Variants in APOB observed in about 807,000 individuals in gnomAD.
APOB encodes the protein apolipoprotein B-100.
In APOB, 153 loss-of-function variants were observed where a neutral mutation model predicts 314.1. That is an observed-to-expected ratio of 0.49 (90% CI 0.43 to 0.56). The LOEUF (loss-of-function observed/expected upper bound fraction) is 0.56, where lower values mean the gene tolerates loss of function less well. Among genes scored for constraint, APOB ranks in the 20% least tolerant of loss-of-function variants. APOB has a pLI of 0.00. For synonymous variants in APOB, 2,087 were observed against 2,036.4 expected, an observed-to-expected ratio of 1.02 and a Z score of -0.67; for missense variants, 5,430 against 5,350.7, an observed-to-expected ratio of 1.01 and a Z score of -0.46.
In APOB at chr2:21,008,405, C is replaced by T. The variant is rs771976472; in HGVS notation, c.8463G>A (p.Pro2821=). 22 of 1,613,844 alleles carry T rather than the reference C, an allele frequency of 1.4e-5. No individual in the cohort carries two copies. The highest frequency in any genetic ancestry group is 2.2e-5 in the East Asian group (1 of 44,886). Residue 2821 remains proline (P), a synonymous_variant, in exon 26 of 29, where the codon CCG becomes CCA. Coordinates refer to ENST00000233242, the MANE Select transcript of APOB (RefSeq NM_000384.3). ...ACTTCACTGACTCCTTCAGAGCCAG[C>T]GGATTAATCTTAGGGTTTGAGAGTT... ...NAQLSNPKIN[P]LALKESVKFS...
intron 8 of APOB, among the ~76,000 whole-genome samples, chr2:21,033,882 C>T (rs1663939926): frequency 6.6e-6 from 1 of 152,166 alleles, no homozygotes; most frequent in Non-Finnish European, 1.5e-5. Flanking sequence ...AGATGAGCAA[C>T]TTAGGTTTCC....
Position 21,001,822 on chromosome 2 carries a change from A to C in APOB, c.13600T>G (p.Tyr4534Asp), listed in dbSNP as rs1350773223. ...AGCTTTTTCAGTAACTCCGTGATGTATATCAGAAATGTGTGGTAGTTTTGA... is the reference window on the plus strand; with the variant it reads ...AGCTTTTTCAGTAACTCCGTGATGTCTATCAGAAATGTGTGGTAGTTTTGA... ...SIQNYHTFLI[Y>D]ITELLKKLQS... The change falls in exon 29 of 29, where the codon TAC becomes GAC. Residue 4534 changes from tyrosine (Y) to aspartate (D), a missense_variant. Transcript: ENST00000233242. 2 of 1,614,086 alleles carry C rather than the reference A, an allele frequency of 1.2e-6. No individual in the cohort carries two copies. The highest frequency in any genetic ancestry group is 1.7e-6 in the Non-Finnish European group (2 of 1,179,960).
Position 21,010,531 on chromosome 2 carries a change from C to A in APOB, c.6337G>T (p.Ala2113Ser). The A allele has an allele frequency of 6.2e-7, 1 of 1,610,062 alleles. No homozygotes were observed. Among genetic ancestry groups the A allele is most frequent in the East Asian group, 2.2e-5 (1 of 44,788 alleles). ...TGCTGTGGGAGTTTTCCCAGGGCTG[C>A]TCTGTATTTTCTTACAAATTGATCA... is the stretch of plus-strand genomic sequence containing the variant. ...NIDQFVRKYRAALGKLPQQAN... is the reference protein window; with the variant it reads ...NIDQFVRKYRSALGKLPQQAN... The change falls in exon 26 of 29, where the codon GCA becomes TCA. Residue 2113 changes from alanine (A) to serine (S), a missense_variant. Physicochemically the swap from Ala to Ser is moderately conservative, Grantham distance 99. Coordinates refer to ENST00000233242, the MANE Select transcript of APOB (RefSeq NM_000384.3).
rs759934326 is a variant in APOB, at chr2:21,006,235, C to T, written c.10633G>A (p.Glu3545Lys). ...TSKIDDIWNL[E>K]VKENFAGEAT... is the part of the protein sequence containing the mutation. ...TCTCCAGCAAAATTTTCTTTTACTT[C>T]AAGGTTCCAGATATCATCAATTTTG... is the stretch of plus-strand genomic sequence containing the variant. Residue 3545 changes from glutamate to lysine, a missense_variant, in exon 26 of 29, where the codon GAA becomes AAA. Physicochemically the swap from Glu to Lys is moderately conservative, Grantham distance 56. This residue lies in a region of APOB where 3,281 missense variants were observed against 3,171.0 expected (regional missense o/e 1.03). Transcript: ENST00000233242. 1 of 1,614,034 alleles carries T rather than the reference C, an allele frequency of 6.2e-7. No individual in the cohort carries two copies. The highest frequency in any genetic ancestry group is 8.5e-7 in the Non-Finnish European group (1 of 1,179,962).
At position 21,033,402 on chromosome 2, in the gene APOB, T is replaced by C. The variant is rs1277517153; in HGVS notation, c.1021A>G (p.Asn341Asp). The change falls in exon 9 of 29, where the codon AAT becomes GAT. Residue 341 changes from asparagine to aspartate, a missense_variant. Physicochemically the swap from Asn to Asp is conservative, Grantham distance 23 (BLOSUM62 1). Around this residue, in one of 3 missense-constraint regions of APOB, gnomAD observed 2,085 missense variants for 2,079.7 expected, o/e 1.00. Transcript: ENST00000233242. ...ELKKLTISEQ[N>D]IQRANLFNKL... ...TTGAAGAGATTAGCTCTCTGGATAT[T>C]TTGCTCAGAGATGGTTAGTTTTTTC... 1.9e-6 allele frequency: 3 copies of C among 1,614,134 alleles called. No individual in the cohort carries two copies.
chr2:21,006,768 A>G lies in APOB; in HGVS notation c.10100T>C (p.Leu3367Pro). The G allele has an allele frequency of 1.2e-6, 2 of 1,614,142 alleles. No individual in the cohort carries two copies. The highest frequency in any genetic ancestry group is 1.7e-6 in the Non-Finnish European group (2 of 1,179,972). Reference protein sequence around the residue: ...FNQSDIVAHLLSSSSSVIDAL... With the variant: ...FNQSDIVAHLPSSSSSVIDAL... ...ATCAATGACAGATGAAGATGAAGAA[A>G]GGAGATGAGCAACAATATCTGACTG... The change falls in exon 26 of 29, where the codon CTT becomes CCT. Residue 3367 changes from leucine to proline, a missense_variant. Physicochemically the swap from Leu to Pro is moderately conservative, Grantham distance 98. Coordinates refer to ENST00000233242, the MANE Select transcript of APOB (RefSeq NM_000384.3).
intron 17 of APOB, 56 bp from the exon 18 acceptor site, chr2:21,023,098 G>T (rs1224440183): frequency 6.7e-7 from 1 of 1,500,720 alleles, no homozygotes; most frequent in Admixed American, 1.7e-5. Context: ...TCCCCTGTCA[G>T]TCAGATCAAC....
chr2:21,007,642 G>T lies in APOB; in HGVS notation c.9226C>A (p.Leu3076Met), dbSNP rs72653099. The T allele has an allele frequency of 2.2e-4, 357 of 1,614,082 alleles. No individual in the cohort carries two copies. In the African/African-American group the frequency reaches 4.5e-3, roughly 20 times the overall value. ...GKIDFLNNYA[L>M]FLSPSAQQAS... ...TGCTGGGCACTGGGACTCAGAAACA[G>T]TGCATAGTTATTCAGGAAGTCTATC... is the stretch of plus-strand genomic sequence containing the variant. Residue 3076 changes from leucine (L) to methionine (M), a missense_variant, in exon 26 of 29, where the codon CTG (leucine) becomes ATG (methionine). Physicochemically the swap from Leu to Met is conservative, Grantham distance 15. Around this residue, in one of 3 missense-constraint regions of APOB, gnomAD observed 3,281 missense variants for 3,171.0 expected, o/e 1.03. Transcript: ENST00000233242.
chr2:21,033,928 T>C (rs1360711409), intron 8 of APOB, among the ~76,000 whole-genome samples: 5 of 152,186 alleles, frequency 3.3e-5, no homozygotes, highest in Non-Finnish European at 5.9e-5. Context: ...AGAGCTAAAG[T>C]GGAATCCAGA....
In APOB at chr2:21,008,006, G is replaced by A. The variant is rs1202409850; in HGVS notation, c.8862C>T (p.Leu2954=). The change falls in exon 26 of 29, where the codon CTC becomes CTT. Residue 2954 remains leucine, a synonymous_variant. Coordinates refer to ENST00000233242, the MANE Select transcript of APOB (RefSeq NM_000384.3). ...SQISFTIEGP[L]TSFGLSNKIN... is the part of the protein sequence containing the mutation. ...TCTTATTGGACAGTCCAAAGGAAGTGAGGGGTCCTTCTATGGTGAAACTAA... is the reference window on the plus strand; with the variant it reads ...TCTTATTGGACAGTCCAAAGGAAGTAAGGGGTCCTTCTATGGTGAAACTAA... The A allele has an allele frequency of 6.2e-7, 1 of 1,614,104 alleles. No individual in the cohort carries two copies. Among genetic ancestry groups the A allele is most frequent in the Admixed American group, 1.7e-5 (1 of 60,028 alleles).
At position 21,008,811 on chromosome 2, in the gene APOB, C is replaced by A; in HGVS notation, c.8057G>T (p.Trp2686Leu). The A allele has an allele frequency of 6.2e-7, 1 of 1,614,012 alleles. No individual in the cohort carries two copies. Among genetic ancestry groups the A allele is most frequent in the South Asian group, 1.1e-5 (1 of 91,074 alleles). The change falls in exon 26 of 29, where the codon TGG (tryptophan) becomes TTG (leucine). Residue 2686 changes from tryptophan (W) to leucine (L), a missense_variant. Transcript: ENST00000233242. ...IDQMLNSELQWPVPDIYLRDL... is the reference protein window; with the variant it reads ...IDQMLNSELQLPVPDIYLRDL... The stretch of plus-strand genomic sequence containing the variant: ...CCTGAGATATATATCTGGAACGGGC[C>A]ACTGCAGCTCACTGTTCAGCATCTG...
chr2:21,018,767 C>A (rs1198211013), intron 20 of APOB, among the ~76,000 whole-genome samples: 1 of 152,154 alleles, frequency 6.6e-6, no homozygotes. Context: ...ACTGTAACTT[C>A]CATGAAGGCA....
At position 21,007,102 on chromosome 2, in the gene APOB, C is replaced by T; in HGVS notation, c.9766G>A (p.Val3256Ile). 6.2e-7 allele frequency: 1 copy of T among 1,614,036 alleles called. No individual in the cohort carries two copies. The highest frequency in any genetic ancestry group is 8.5e-7 in the Non-Finnish European group (1 of 1,179,954). Reference sequence around the variant, plus strand: ...GTGAATGGAGACACTTCAACATTGACAACTGGAACAGTGTATCCAGGAATT... The same window carrying T: ...GTGAATGGAGACACTTCAACATTGATAACTGGAACAGTGTATCCAGGAATT... Reference protein sequence around the residue: ...FQIPGYTVPVVNVEVSPFTIE... With the variant: ...FQIPGYTVPVINVEVSPFTIE... The change falls in exon 26 of 29, where the codon GTC becomes ATC. Residue 3256 changes from valine to isoleucine, a missense_variant. Coordinates refer to ENST00000233242, the MANE Select transcript of APOB (RefSeq NM_000384.3).
rs1663287239 is a variant in APOB at position 21,010,616 on chromosome 2, A to T, written c.6252T>A (p.Asn2084Lys). ...CCAGTACAACTATAATGGTTTGTCG[A>T]TTCCTCTCAAAATATTCTTGCAAGG... is the stretch of plus-strand genomic sequence containing the variant. ...FETLQEYFERNRQTIIVVLEN... is the reference protein window; with the variant it reads ...FETLQEYFERKRQTIIVVLEN... Residue 2084 changes from asparagine (N) to lysine (K), a missense_variant, in exon 26 of 29, where the codon AAT (asparagine) becomes AAA (lysine). Physicochemically the swap from Asn to Lys is moderately conservative, Grantham distance 94. Coordinates refer to ENST00000233242, the MANE Select transcript of APOB (RefSeq NM_000384.3). The T allele has an allele frequency of 3.1e-6, 5 of 1,614,074 alleles. No individual in the cohort carries two copies. Among genetic ancestry groups the T allele is most frequent in the Non-Finnish European group, 4.2e-6 (5 of 1,179,990 alleles).
intron 12 of APOB, among the ~76,000 whole-genome samples, 176 bp downstream of exon 12, chr2:21,029,455 AGAAGGAAG>A (rs1020950739): frequency 1.1e-4 from 17 of 151,016 alleles, no homozygotes; most frequent in Non-Finnish European, 2.1e-4. Flanking sequence ...CCATCTCGAA[AGAAGGAAG>A]GAAGGAAGGA....
Position 21,007,583 on chromosome 2 carries a change from C to G in APOB, c.9285G>C (p.Gln3095His), listed in dbSNP as rs1572780014. 2 of 1,614,068 alleles carry G rather than the reference C, an allele frequency of 1.2e-6. No individual in the cohort carries two copies. Among genetic ancestry groups the G allele is most frequent in the Non-Finnish European group, 1.7e-6 (2 of 1,179,954 alleles). The change falls in exon 26 of 29, where the codon CAG becomes CAC. Residue 3095 changes from glutamine to histidine, a missense_variant. Coordinates refer to ENST00000233242, the MANE Select transcript of APOB (RefSeq NM_000384.3). Reference protein sequence around the residue: ...ASWQVSARFNQYKYNQNFSAG... With the variant: ...ASWQVSARFNHYKYNQNFSAG... ...CAGAGAAATTTTGGTTGTACTTATA[C>G]TGATTGAACCTAGCACTTACTTGCC...
Position 21,010,576 on chromosome 2 carries a change from T to A in APOB, c.6292A>T (p.Asn2098Tyr). 6.2e-7 allele frequency: 1 copy of A among 1,613,694 alleles called. No homozygotes were observed. The highest frequency in any genetic ancestry group is 8.5e-7 in the Non-Finnish European group (1 of 1,179,838). ...IIVVLENVQRNLKHINIDQFV... is the reference protein window; with the variant it reads ...IIVVLENVQRYLKHINIDQFV... ...TGATCAATATTGATGTGCTTCAGGT[T>A]TCTCTGTACGTTTTCCAGTACAACT... The change falls in exon 26 of 29, where the codon AAC (asparagine) becomes TAC (tyrosine). Residue 2098 changes from asparagine (N) to tyrosine (Y), a missense_variant. Asn to Tyr is a moderately radical substitution (Grantham distance 143). Coordinates refer to ENST00000233242, the MANE Select transcript of APOB (RefSeq NM_000384.3).
intron 17 of APOB, 62 bp downstream of exon 17, chr2:21,023,463 C>T (rs964683985): frequency 6.3e-7 from 1 of 1,576,252 alleles, no homozygotes; most frequent in African/African-American, 1.3e-5. Flanking sequence ...TATGTTTTAA[C>T]AAGAAATGCA....
rs866073127 is a variant in APOB, at chr2:21,042,572, A to T, written c.122-96T>A. The stretch of plus-strand genomic sequence containing the variant: ...AGAGGGGCAGTGGCATAGAGAATTA[A>T]AAATGGTAATTCAACTCAAATTATT... On this transcript the variant is annotated intron_variant, in intron 2 of 28. Coordinates refer to ENST00000233242, the MANE Select transcript of APOB (RefSeq NM_000384.3). 1.4e-4 allele frequency: 121 copies of T among 863,540 alleles called. No individual in the cohort carries two copies. The African/African-American group carries it at 1.8e-3, about 13-fold the overall frequency. The allele number at this position is 863,540 out of a possible 1,614,324, so 53.5% of individuals were successfully genotyped here.
Sources: allele counts gnomAD v4.1 joint callset (sites outside exome capture counted in the v4.1 genomes callset), GRCh38; gene constraint gnomAD v4.1.1; regional missense constraint gnomAD v4.1.1; transcripts MANE v1.5; gene names NCBI Gene and HGNC (gene_info 2026-07-23, HGNC 2026-07-21).